Variants in THBS2 observed in about 807,000 individuals in gnomAD.
THBS2 encodes the protein thrombospondin 2, also known as thrombospondin-2.
THBS2 carries 47 observed loss-of-function variants against 135.2 expected under a neutral mutation model. That is an observed-to-expected ratio of 0.35 (90% CI 0.28 to 0.44). The LOEUF is 0.44. Ranked by LOEUF, THBS2 falls within the 20% of genes least tolerant of loss-of-function variation. The pLI is 1.00. For synonymous variants in THBS2, 639 were observed against 633.8 expected, an observed-to-expected ratio of 1.01 and a Z score of -0.12; for missense variants, 1,288 against 1,603.1, an observed-to-expected ratio of 0.80 and a Z score of 3.36.
At chr6:169,242,773 T>C (rs867115553) in intron 4 of THBS2, among the ~76,000 whole-genome samples, 105 of 21,892 alleles carry the variant, frequency 4.8e-3, no homozygotes, top group Admixed American at 0.013. Context: ...CATCTTCCCA[T>C]CTTCCCACCT....
At position 169,222,461 on chromosome 6, in the gene THBS2, G is replaced by T. The variant is rs752811163; in HGVS notation, c.3009C>A (p.Asp1003Glu). 1 of 1,612,478 alleles carries T rather than the reference G, an allele frequency of 6.2e-7. No homozygotes were observed. Among genetic ancestry groups the T allele is most frequent in the East Asian group, 2.2e-5 (1 of 44,854 alleles). ...CACTGAAGTCCACAGACCCAAACTC[G>T]TCAAAACCTGGATGCAACGCCATAA... The part of the protein sequence containing the change: ...NSDPGIAVGF[D>E]EFGSVDFSGT... The change falls in exon 19 of 22, where the codon GAC (aspartate) becomes GAA (glutamate). Residue 1003 changes from aspartate to glutamate, a missense_variant. Transcript: ENST00000617924.
Position 169,232,719 on chromosome 6 carries a change from T to A in THBS2, c.1877A>T (p.Tyr626Phe). Residue 626 changes from tyrosine to phenylalanine, a missense_variant, in exon 12 of 22, where the codon TAC becomes TTC. By Grantham distance (22) the Tyr-to-Phe change is conservative. Coordinates refer to ENST00000617924, the MANE Select transcript of THBS2 (RefSeq NM_003247.5). ...GACCCCGACGGGCTGGTTCCCTCTG[T>A]ATCGGGGCGGGCAGGGCAGGCAGTG... The part of the protein sequence containing the change: ...GFHCLPCPPR[Y>F]RGNQPVGVGL... The A allele has an allele frequency of 6.2e-7, 1 of 1,613,924 alleles. No homozygotes were observed.
Position 169,216,417 on chromosome 6 carries a change from CAA to C in THBS2, c.*1403_*1404del, listed in dbSNP as rs1779173378. ...GATCATGCAACTTAAAGCAAAAAAA[CAA>C]ACCAACCAACAAAAAAAACAAAAAC... On this transcript the variant is annotated 3_prime_UTR_variant, in exon 22 of 22. Transcript: ENST00000617924. The C allele has an allele frequency of 1.1e-5, 1 of 94,072 alleles. No homozygotes were observed. The highest frequency in any genetic ancestry group is 2.3e-5 in the Non-Finnish European group (1 of 43,854). 5.8% of individuals were successfully genotyped at this position (94,072 alleles called of 1,614,324 possible).
intron 4 of THBS2, among the ~76,000 whole-genome samples, chr6:169,242,660 TTCCCACCAC>T (rs1358920158): frequency 1.1e-4 from 6 of 55,422 alleles, no homozygotes; most frequent in East Asian, 6.6e-4. Context: ...CACTCCCACC[TTCCCACCAC>T]TCCCACCTTC....
Position 169,239,387 on chromosome 6 carries a change from C to T in THBS2, c.1129+212G>A, listed in dbSNP as rs910186126. On this transcript the variant is annotated intron_variant, in intron 7 of 21. Coordinates refer to ENST00000617924, the MANE Select transcript of THBS2 (RefSeq NM_003247.5). ...GAAGCATCAGGACTGGCCTTCCCAC[C>T]CCCGCGTTCCCAGGGCTTCCACACT... 3 of 574,780 alleles carry T rather than the reference C, an allele frequency of 5.2e-6. No individual in the cohort carries two copies. The African/African-American group carries it at 5.7e-5, about 11-fold the overall frequency. The allele number at this position is 574,780 out of a possible 1,614,324, so 35.6% of individuals were successfully genotyped here. A position where few individuals can be genotyped will look rare whatever the true frequency, so the allele number is the denominator to read the frequency against.
intron 17 of THBS2, among the ~76,000 whole-genome samples, chr6:169,224,160 AT>A (rs1779536024): frequency 6.6e-6 from 1 of 152,154 alleles, no homozygotes; most frequent in Non-Finnish European, 1.5e-5. Flanking sequence ...GGCAAGTTGG[AT>A]TGAATATCTC....
chr6:169,238,066 G>C (rs932578052), intron 7 of THBS2, among the ~76,000 whole-genome samples: 43 of 152,304 alleles, frequency 2.8e-4, no homozygotes, highest in African/African-American at 1.0e-3. Context: ...GCTGAGGGGA[G>C]CTAAATCCAT....
Position 169,250,954 on chromosome 6 carries a change from G to A in THBS2, c.-22-148C>T, listed in dbSNP as rs555957987. 33 of 527,488 alleles carry A rather than the reference G, an allele frequency of 6.3e-5. No homozygotes were observed. The Middle Eastern group carries it at 2.3e-3, about 37-fold the overall frequency. The allele number at this position is 527,488 out of a possible 1,614,324, so 32.7% of individuals were successfully genotyped here. On this transcript the variant is annotated intron_variant, in intron 1 of 21. Coordinates refer to ENST00000617924, the MANE Select transcript of THBS2 (RefSeq NM_003247.5). ...ACTGGATTTGTGGCAAACTGAGAGC[G>A]AAGGAGGAAATTTACTCTTCAAGCA... is the stretch of plus-strand genomic sequence containing the variant.
At chr6:169,242,046 G>T in intron 4 of THBS2, 88 bp from the exon 5 acceptor site, 1 of 1,440,916 alleles carries the variant, frequency 6.9e-7, no homozygotes, top group Non-Finnish European at 9.3e-7. Flanking sequence ...GACCCGCCCT[G>T]GCTCCCGGAG....
At chr6:169,222,000 C>A (rs1779446040) in intron 19 of THBS2, among the ~76,000 whole-genome samples, 197 bp downstream of exon 19, 1 of 152,192 alleles carries the variant, frequency 6.6e-6, no homozygotes, top group Admixed American at 6.5e-5. Context: ...CTGTATTTAA[C>A]TGGTAATTAT....
Position 169,222,341 on chromosome 6 carries a change from C to T in THBS2, c.3129G>A (p.Lys1043=), listed in dbSNP as rs754242277. 9.9e-6 allele frequency: 16 copies of T among 1,613,714 alleles called. No homozygotes were observed. In the South Asian group the frequency reaches 1.5e-4, roughly 16 times the overall value. ...CCTCCCAGTAGGTCTGCGTCACCTG[C>T]TTCCACATCACCACATAGAAGCGGC... The part of the protein sequence containing the change: ...SSSRFYVVMW[K]QVTQTYWEDQ... Residue 1043 remains lysine, a synonymous_variant, in exon 19 of 22, where the codon AAG becomes AAA. Coordinates refer to ENST00000617924, the MANE Select transcript of THBS2 (RefSeq NM_003247.5).
rs899631558 is a variant in THBS2 at position 169,241,427 on chromosome 6, ATGTGTGTGTGTATG to A, written c.891+321_891+334del. Among the ~76,000 whole-genome samples the A allele has an allele frequency of 4.0e-5, 3 of 75,948 alleles. No homozygotes were observed. Among genetic ancestry groups the A allele is most frequent in the Admixed American group, 1.4e-4 (1 of 7,038 alleles). The allele number at this position is 75,948 out of a possible 152,430, so 49.8% of individuals were successfully genotyped here. ...TGTGTGTGTGTGTGTATGTGTGTGT[ATGTGTGTGTGTATG>A]TGTGTGTGTGTGTGTACACTCATAC... On this transcript the variant is annotated intron_variant, in intron 5 of 21. Transcript: ENST00000617924. The surrounding 1 kb of genome is among the most constrained non-coding windows in gnomAD (Gnocchi z 5.5).
intron 2 of THBS2, among the ~76,000 whole-genome samples, chr6:169,249,979 C>T (rs1383636629): frequency 4.6e-5 from 7 of 151,502 alleles, no homozygotes; most frequent in African/African-American, 1.7e-4. Context: ...GCAGTGAGCC[C>T]AGATCACGCC....
intron 10 of THBS2, among the ~76,000 whole-genome samples, 171 bp from the exon 11 acceptor site, chr6:169,233,188 G>A (rs768150751): frequency 5.3e-5 from 8 of 152,114 alleles, no homozygotes; most frequent in Non-Finnish European, 1.0e-4. Flanking sequence ...CTCCAAGACC[G>A]CATTGCTCAG....
At chr6:169,250,886 A>C in intron 1 of THBS2, 80 bp from the exon 2 acceptor site, 3 of 904,556 alleles carry the variant, frequency 3.3e-6, no homozygotes, top group Non-Finnish European at 5.0e-6. Context: ...CCAGTGACTC[A>C]CATGACCATT....
At chr6:169,219,935 A>G (rs1779364290) in intron 21 of THBS2, 5 of 586,984 alleles carry the variant, frequency 8.5e-6, no homozygotes, top group Non-Finnish European at 1.6e-5. Context: ...ACTCTAGGCT[A>G]TGGCACAATG....
rs772664502 is a variant in THBS2, at chr6:169,237,252, G to C, written c.1395C>G (p.Asn465Lys). 1 of 1,613,498 alleles carries C rather than the reference G, an allele frequency of 6.2e-7. No individual in the cohort carries two copies. The highest frequency in any genetic ancestry group is 1.1e-5 in the South Asian group (1 of 91,084). ...TGCCCCCCATCTGGGGCACTGGGGA[G>C]TTGCAGAGACGGATGCGTGTGATAT... ...VGNITRIRLC[N>K]SPVPQMGGKN... is the part of the protein sequence containing the mutation. The change falls in exon 9 of 22, where the codon AAC becomes AAG. Residue 465 changes from asparagine (N) to lysine (K), a missense_variant. This residue lies in a region of THBS2 where 874 missense variants were observed against 1,156.1 expected (regional missense o/e 0.76). Transcript: ENST00000617924.
chr6:169,231,870 C>CTTG (rs1554245894), intron 13 of THBS2, 110 bp downstream of exon 13: 81 of 1,222,694 alleles, frequency 6.6e-5, no homozygotes, highest in Non-Finnish European at 8.5e-5. Context: ...GAGAGACCCT[C>CTTG]CTTCCAAATT....
chr6:169,223,063 A>T (rs114471658), intron 18 of THBS2, among the ~76,000 whole-genome samples, 185 bp downstream of exon 18: 9 of 152,344 alleles, frequency 5.9e-5, no homozygotes, highest in African/African-American at 2.2e-4. Context: ...GAGACTTCAG[A>T]GCGGCAGGTG....
Sources: gnomAD v4.1 joint callset for allele counts (sites outside exome capture counted in the v4.1 genomes callset) on GRCh38, gnomAD v4.1.1 for gene constraint, gnomAD v4.1.1 regional missense constraint, Gnocchi (gnomAD v3.1) non-coding constraint, MANE v1.5 for transcripts, NCBI Gene and HGNC (gene_info 2026-07-23, HGNC 2026-07-21) for gene names.